The following KHDRBS3 variants were observed in gnomAD, a reference collection of about 807,000 sequenced individuals.
The protein encoded by KHDRBS3 is KH domain-containing, RNA-binding, signal transduction-associated protein 3.
A neutral mutation model predicts 45.6 loss-of-function variants in KHDRBS3; 23 were observed. The ratio of observed to expected loss-of-function variants is 0.50; its 90% confidence interval spans 0.36 to 0.72. The LOEUF is 0.72. Among genes scored for constraint, KHDRBS3 ranks in the 30% least tolerant of loss-of-function variants. The pLI, the probability that KHDRBS3 is intolerant of heterozygous loss-of-function variation, is 0.00. For missense variants in KHDRBS3, 352 were observed against 424.8 expected, an observed-to-expected ratio of 0.83 and a Z score of 1.51; for synonymous variants, 162 against 156.5, an observed-to-expected ratio of 1.04 and a Z score of -0.26.
At chr8:135,512,430 G>GGGGGC (rs1824338393) in intron 1 of KHDRBS3, among the ~76,000 whole-genome samples, 1 of 12,686 alleles carries the variant, frequency 7.9e-5, no homozygotes, top group African/African-American at 6.0e-4. Flanking sequence ...TGGAAAAGTC[G>GGGGGC]GGGGGGGGGT....
At chr8:135,635,797 T>C (rs1164677376) in intron 7 of KHDRBS3, among the ~76,000 whole-genome samples, 1 of 152,236 alleles carries the variant, frequency 6.6e-6, no homozygotes, top group African/African-American at 2.4e-5. Context: ...ACTTGGGTTT[T>C]TTGGCATCAT....
chr8:135,548,642 G>A, intron 3 of KHDRBS3, 112 bp from the exon 4 acceptor site: 1 of 844,964 alleles, frequency 1.2e-6, no homozygotes, highest in Non-Finnish European at 1.7e-6. Context: ...ACAACCGCTT[G>A]CCAGATGGAT....
Position 135,536,055 on chromosome 8 carries a change from TAAG to T in KHDRBS3, c.208-6595_208-6593del, listed in dbSNP as rs1321688710. 6.6e-5 allele frequency among the ~76,000 whole-genome samples: 10 copies of T among 152,188 alleles called. No homozygotes were observed. In the South Asian group the frequency reaches 1.2e-3, roughly 19 times the overall value. ...GGGATTTTTTTGCAGATAAAGCTTT[TAAG>T]AAGGTTTCAACTTTTCTAATTGGGT... On this transcript the variant is annotated intron_variant, in intron 2 of 8. Transcript: ENST00000355849.
At chr8:135,565,683 C>T (rs780422297) in intron 5 of KHDRBS3, among the ~76,000 whole-genome samples, 148 of 152,264 alleles carry the variant, frequency 9.7e-4, no homozygotes, top group Middle Eastern at 3.4e-3. Context: ...ATCTCTGGCT[C>T]TCTTCCTTCT....
chr8:135,478,808 A>G (rs1037945955), intron 1 of KHDRBS3, among the ~76,000 whole-genome samples: 1 of 152,212 alleles, frequency 6.6e-6, no homozygotes, highest in Admixed American at 6.5e-5. Flanking sequence ...GTCAAAACTT[A>G]AGAGATACAA....
intron 6 of KHDRBS3, among the ~76,000 whole-genome samples, chr8:135,587,874 A>G (rs940234859): frequency 6.6e-6 from 1 of 152,220 alleles, no homozygotes; most frequent in Admixed American, 6.5e-5. Context: ...AGTTTTATCT[A>G]TTATCTCTGT....
At chr8:135,548,992 C>G in intron 4 of KHDRBS3, 92 bp downstream of exon 4, 1 of 849,732 alleles carries the variant, frequency 1.2e-6, no homozygotes, top group Non-Finnish European at 1.7e-6. Context: ...ATTTGCATAG[C>G]TCCTTTTCTG....
chr8:135,498,379 A>ATTTAT (rs201352127), intron 1 of KHDRBS3, among the ~76,000 whole-genome samples: 2,953 of 152,340 alleles, frequency 0.019, 44 homozygotes, highest in Non-Finnish European at 0.031. Context: ...AGACCTGATC[A>ATTTAT]CATAATTCTT....
chr8:135,592,068 T>C (rs775495442), intron 6 of KHDRBS3, among the ~76,000 whole-genome samples: 4 of 152,202 alleles, frequency 2.6e-5, no homozygotes, highest in Admixed American at 1.3e-4. Context: ...ATTTTTCATA[T>C]TCATTTTACC....
intron 2 of KHDRBS3, among the ~76,000 whole-genome samples, chr8:135,530,688 A>C (rs1031510005): frequency 6.6e-6 from 1 of 152,106 alleles, no homozygotes; most frequent in Non-Finnish European, 1.5e-5. Context: ...TTCTTGGCCA[A>C]CCTTGACTTT....
chr8:135,590,456 G>A (rs1305687744), intron 6 of KHDRBS3, among the ~76,000 whole-genome samples: 1 of 152,118 alleles, frequency 6.6e-6, no homozygotes, highest in East Asian at 1.9e-4. Context: ...ATGATACATA[G>A]GTAGCAGGTT....
chr8:135,533,791 C>T (rs1825597477), intron 2 of KHDRBS3, among the ~76,000 whole-genome samples: 1 of 152,184 alleles, frequency 6.6e-6, no homozygotes, highest in Admixed American at 6.5e-5. Flanking sequence ...GTATTTGACA[C>T]ACCTAAGCTA....
chr8:135,527,870 G>A (rs1225936760), intron 2 of KHDRBS3, among the ~76,000 whole-genome samples: 1 of 152,098 alleles, frequency 6.6e-6, no homozygotes, highest in Non-Finnish European at 1.5e-5. Flanking sequence ...ATAGGTTTTC[G>A]TGATATTTTT....
At position 135,457,460 on chromosome 8, in the gene KHDRBS3, T is replaced by G. The variant is rs918583676; in HGVS notation, c.-407T>G. 2.1e-5 allele frequency: 3 copies of G among 145,326 alleles called. No homozygotes were observed. Among genetic ancestry groups the G allele is most frequent in the Non-Finnish European group, 4.6e-5 (3 of 65,730 alleles). The allele number at this position is 145,326 out of a possible 1,614,324, so 9.0% of individuals were successfully genotyped here. ...GGGCGCTCGGCGCGGTGGCTCAGAG[T>G]GCGCGGGGCGGCGCGCGGCGTGCAG... is the stretch of plus-strand genomic sequence containing the variant. On this transcript the variant is annotated 5_prime_UTR_variant, in exon 1 of 9. Coordinates refer to ENST00000355849, the MANE Select transcript of KHDRBS3 (RefSeq NM_006558.3). The surrounding 1 kb of genome is among the most constrained non-coding windows in gnomAD (Gnocchi z 4.4).
intron 7 of KHDRBS3, among the ~76,000 whole-genome samples, chr8:135,643,569 T>A (rs1319205711): frequency 6.6e-6 from 1 of 152,184 alleles, no homozygotes; most frequent in Non-Finnish European, 1.5e-5. Flanking sequence ...TGCCCACATG[T>A]TTGAGATAAA....
intron 7 of KHDRBS3, chr8:135,625,136 A>G (rs1180073919): frequency 9.5e-7 from 1 of 1,056,390 alleles, no homozygotes; most frequent in Non-Finnish European, 1.4e-6. Context: ...ACAGTTAAGC[A>G]CATGATTTGG....
At chr8:135,531,929 C>T (rs1304799461) in intron 2 of KHDRBS3, among the ~76,000 whole-genome samples, 1 of 152,074 alleles carries the variant, frequency 6.6e-6, no homozygotes, top group African/African-American at 2.4e-5. Context: ...TTGAAATAAA[C>T]ACCTAAACAC....
intron 2 of KHDRBS3, among the ~76,000 whole-genome samples, chr8:135,530,947 C>A (rs12547718): frequency 0.047 from 7,100 of 152,240 alleles, 260 homozygotes; most frequent in East Asian, 0.18. Flanking sequence ...GTATCAGTTT[C>A]TTGCCTTTGA....
intron 2 of KHDRBS3, among the ~76,000 whole-genome samples, chr8:135,536,805 A>G (rs1417270040): frequency 1.3e-5 from 2 of 148,810 alleles, no homozygotes; most frequent in Non-Finnish European, 1.5e-5. Flanking sequence ...CTAAAAATAC[A>G]AAAAATTAGC....
Sources: allele counts gnomAD v4.1 joint callset (sites outside exome capture counted in the v4.1 genomes callset), GRCh38; gene constraint gnomAD v4.1.1; non-coding constraint Gnocchi (gnomAD v3.1); transcripts MANE v1.5; gene names NCBI Gene and HGNC (gene_info 2026-07-23, HGNC 2026-07-21).